Variants in LGSN observed in about 807,000 individuals in gnomAD.
LGSN encodes lengsin.
Under a neutral mutation model 19.5 loss-of-function variants are expected in LGSN, and 21 were observed. The observed-to-expected ratio is 1.07, with a 90% CI of 0.76 to 1.55. The LOEUF is 1.55. LGSN is among the 40% of genes most tolerant of loss of function. LGSN has a pLI of 0.00. For missense variants in LGSN, 673 were observed against 608.5 expected, an observed-to-expected ratio of 1.11 and a Z score of -1.12; for synonymous variants, 257 against 215.6, an observed-to-expected ratio of 1.19 and a Z score of -1.68.
chr6:63,337,965 AACCTCC>A, the LGSN span, among the ~76,000 whole-genome samples: 1 of 152,156 alleles, frequency 6.6e-6, no homozygotes, highest in Non-Finnish European at 1.5e-5. Context: ...GGCTCACTGC[AACCTCC>A]ACCTCCCAGG....
chr6:63,567,304 T>A, the LGSN span, among the ~76,000 whole-genome samples: 1 of 152,238 alleles, frequency 6.6e-6, no homozygotes, highest in South Asian at 2.1e-4. Context: ...TTATGAAATG[T>A]ACTTGTTAAA....
At chr6:63,305,511 C>T (rs1768348441) in intron 1 of LGSN, among the ~76,000 whole-genome samples, 1 of 152,184 alleles carries the variant, frequency 6.6e-6, no homozygotes, top group Non-Finnish European at 1.5e-5. Flanking sequence ...ATTTCAGATG[C>T]CTGCCAATCA....
At chr6:63,480,415 T>C in the LGSN span, 3 of 197,974 alleles carry the variant, frequency 1.5e-5, no homozygotes, top group African/African-American at 7.1e-5. Context: ...GAGCTACAGA[T>C]AGTGAAGATG....
chr6:63,399,771 C>A, the LGSN span, among the ~76,000 whole-genome samples: 1 of 152,150 alleles, frequency 6.6e-6, no homozygotes, highest in Non-Finnish European at 1.5e-5. Flanking sequence ...TCATAGCTCA[C>A]TGCAGCCTTA....
chr6:63,297,344 G>A (rs576691246), intron 1 of LGSN, among the ~76,000 whole-genome samples: 2 of 127,730 alleles, frequency 1.6e-5, no homozygotes, highest in East Asian at 4.6e-4. Context: ...AGAAGAGTGA[G>A]CCTCGGTATC....
At chr6:63,542,428 A>T in the LGSN span, among the ~76,000 whole-genome samples, 81 of 149,722 alleles carry the variant, frequency 5.4e-4, no homozygotes, top group African/African-American at 2.0e-3. Flanking sequence ...TATGGAAATA[A>T]AAAAAAAAAC....
chr6:63,457,362 A>G, the LGSN span, among the ~76,000 whole-genome samples: 2 of 152,004 alleles, frequency 1.3e-5, no homozygotes, highest in African/African-American at 4.8e-5. Context: ...AAATTTAGCC[A>G]GTCGTGGTGG....
chr6:63,349,789 T>G, the LGSN span, among the ~76,000 whole-genome samples: 5 of 152,198 alleles, frequency 3.3e-5, no homozygotes, highest in Non-Finnish European at 7.3e-5. Flanking sequence ...GTAGATGAGA[T>G]GTACTAACGA....
the LGSN span, among the ~76,000 whole-genome samples, chr6:63,344,754 GA>G: frequency 1.3e-5 from 2 of 148,820 alleles, no homozygotes; most frequent in East Asian, 2.0e-4. Flanking sequence ...AAAAGAAAAA[GA>G]AAAAAAAACC....
At chr6:63,426,615 A>G in the LGSN span, among the ~76,000 whole-genome samples, 5 of 151,846 alleles carry the variant, frequency 3.3e-5, no homozygotes, top group African/African-American at 1.2e-4. Context: ...CCCAGGTTCA[A>G]GTAATTCTCA....
the LGSN span, among the ~76,000 whole-genome samples, chr6:63,432,141 GAA>G: frequency 9.3e-6 from 1 of 107,394 alleles, no homozygotes; most frequent in African/African-American, 3.8e-5. Context: ...AAGAAAGAAA[GAA>G]AGAAAGAAAG....
At chr6:63,432,173 A>G in the LGSN span, among the ~76,000 whole-genome samples, 2,503 of 29,470 alleles carry the variant, frequency 0.085, 164 homozygotes, top group African/African-American at 0.1. Context: ...AAGAAAGAAA[A>G]GGAAAGAAAG....
At chr6:63,481,349 A>ATTTTTTTT in the LGSN span, among the ~76,000 whole-genome samples, 703 of 147,986 alleles carry the variant, frequency 4.8e-3, 10 homozygotes, top group African/African-American at 0.017. Context: ...CCCAAAAGCT[A>ATTTTTTTT]TTTTTTTTTT....
chr6:63,491,011 G>A, the LGSN span, among the ~76,000 whole-genome samples: 1 of 151,754 alleles, frequency 6.6e-6, no homozygotes, highest in African/African-American at 2.4e-5. Context: ...AATGATGCCT[G>A]CCCACAGTGG....
At chr6:63,474,682 G>A in the LGSN span, among the ~76,000 whole-genome samples, 1 of 151,962 alleles carries the variant, frequency 6.6e-6, no homozygotes, top group Non-Finnish European at 1.5e-5. Flanking sequence ...AGCACTTTGG[G>A]AGGCTGAGGC....
the LGSN span, among the ~76,000 whole-genome samples, chr6:63,327,439 G>A: frequency 6.6e-6 from 1 of 152,106 alleles, no homozygotes; most frequent in Non-Finnish European, 1.5e-5. Context: ...ACGCTGGGCG[G>A]CATCTCATGC....
the LGSN span, among the ~76,000 whole-genome samples, chr6:63,487,248 G>C: frequency 6.6e-6 from 1 of 152,144 alleles, no homozygotes; most frequent in African/African-American, 2.4e-5. Context: ...GGGATTACAG[G>C]CATGAGCTAC....
At chr6:63,529,995 T>C in the LGSN span, among the ~76,000 whole-genome samples, 1 of 152,186 alleles carries the variant, frequency 6.6e-6, no homozygotes, top group African/African-American at 2.4e-5. Context: ...TTTATAGAGT[T>C]ATGAGTAATA....
the LGSN span, among the ~76,000 whole-genome samples, chr6:63,542,461 C>T: frequency 6.6e-6 from 1 of 152,174 alleles, no homozygotes; most frequent in East Asian, 1.9e-4. Context: ...TCAAAAACTA[C>T]TAAATCTGAC....
Sources: gnomAD v4.1 joint callset for allele counts (sites outside exome capture counted in the v4.1 genomes callset) on GRCh38, gnomAD v4.1.1 for gene constraint, MANE v1.5 for transcripts, NCBI Gene and HGNC (gene_info 2026-07-23, HGNC 2026-07-21) for gene names.